REL: variants seen among roughly 807,000 people sequenced by gnomAD.
REL encodes the protein REL proto-oncogene, NF-kB subunit, also known as proto-oncogene c-Rel.
REL carries 15 observed loss-of-function variants against 45.9 expected under a neutral mutation model. The observed-to-expected ratio is 0.33, with a 90% CI of 0.22 to 0.50. The LOEUF is 0.50. REL is among the 20% of genes least tolerant of loss of function. The pLI is 0.98. For synonymous variants in REL, 239 were observed against 242.1 expected, an observed-to-expected ratio of 0.99 and a Z score of 0.12; for missense variants, 601 against 715.2, an observed-to-expected ratio of 0.84 and a Z score of 1.82.
intron 4 of REL, among the ~76,000 whole-genome samples, chr2:60,907,321 T>A (rs1377015055): frequency 6.6e-6 from 1 of 152,144 alleles, no homozygotes; most frequent in Non-Finnish European, 1.5e-5. Flanking sequence ...GTCTTCCTTG[T>A]ATCTCTGGCA....
intron 4 of REL, among the ~76,000 whole-genome samples, chr2:60,906,084 A>C (rs1291959569): frequency 6.6e-6 from 1 of 152,184 alleles, no homozygotes; most frequent in Admixed American, 6.5e-5. Context: ...AAAATGAGGA[A>C]AATGCAAAAG....
At chr2:60,907,111 T>A (rs1673683294) in intron 4 of REL, among the ~76,000 whole-genome samples, 2 of 150,964 alleles carry the variant, frequency 1.3e-5, no homozygotes, top group Non-Finnish European at 3.0e-5. Context: ...TTAGTAGAGA[T>A]GGGGTTTCAC....
At chr2:60,888,729 G>C (rs1673132182) in intron 1 of REL, among the ~76,000 whole-genome samples, 1 of 152,166 alleles carries the variant, frequency 6.6e-6, no homozygotes, top group Non-Finnish European at 1.5e-5. Context: ...GAAAGTTACA[G>C]TAATACTTTA....
chr2:60,892,981 C>T (rs759846721), intron 2 of REL, among the ~76,000 whole-genome samples: 87 of 152,258 alleles, frequency 5.7e-4, no homozygotes, highest in Non-Finnish European at 1.1e-3. Context: ...TCTCAATCTC[C>T]TGACCTCGTG....
intron 4 of REL, among the ~76,000 whole-genome samples, chr2:60,906,334 T>A (rs915703063): frequency 1.3e-5 from 2 of 152,174 alleles, no homozygotes; most frequent in Admixed American, 6.5e-5. Flanking sequence ...CCCTTCTTTT[T>A]CTTTCTCTCT....
rs1336019730 is a variant in REL at position 60,929,419 on chromosome 2, C to G, written c.*6884C>G. 3 of 140,962 alleles carry G rather than the reference C, an allele frequency of 2.1e-5. No individual in the cohort carries two copies. The highest frequency in any genetic ancestry group is 2.2e-4 in the South Asian group (1 of 4,472). The allele number at this position is 140,962 out of a possible 1,614,324, so 8.7% of individuals were successfully genotyped here. On this transcript the variant is annotated 3_prime_UTR_variant, in exon 10 of 10. Transcript: ENST00000394479. The stretch of plus-strand genomic sequence containing the variant: ...CACAATAGCAAAGACTTGGAACCAA[C>G]CCAAATGTCCAACAATGATAGACTG...
In REL at chr2:60,927,320, T is replaced by C. The variant is rs1674289493; in HGVS notation, c.*4785T>C. 4.3e-6 allele frequency: 1 copy of C among 231,564 alleles called. No homozygotes were observed. Among genetic ancestry groups the C allele is most frequent in the South Asian group, 1.8e-4 (1 of 5,510 alleles). The allele number at this position is 231,564 out of a possible 1,614,324, so 14.3% of individuals were successfully genotyped here. ...GCAGGAAAAGCAGCAATGACAAGAT[T>C]ACTTAAGTCTTGTGAAATAACACTT... On this transcript the variant is annotated 3_prime_UTR_variant, in exon 10 of 10. Transcript: ENST00000394479.
chr2:60,914,811 T>G (rs1250752928), intron 4 of REL, among the ~76,000 whole-genome samples: 1 of 151,492 alleles, frequency 6.6e-6, no homozygotes. Flanking sequence ...CATTTGGGAG[T>G]GTATACCCAT....
chr2:60,903,538 T>TA (rs1205925713), intron 4 of REL, among the ~76,000 whole-genome samples: 1 of 151,770 alleles, frequency 6.6e-6, no homozygotes, highest in Non-Finnish European at 1.5e-5. Flanking sequence ...CATGCCCAGC[T>TA]AATTTTTTTT....
chr2:60,917,091 G>C, intron 5 of REL, 74 bp downstream of exon 5: 1 of 1,292,418 alleles, frequency 7.7e-7, no homozygotes, highest in African/African-American at 1.5e-5. Context: ...AAATTATTTT[G>C]GTAATTAGGA....
At position 60,891,663 on chromosome 2, in the gene REL, C is replaced by G. The variant is rs746256981; in HGVS notation, c.11-20C>G. 3 of 1,579,160 alleles carry G rather than the reference C, an allele frequency of 1.9e-6. No individual in the cohort carries two copies. In the East Asian group the frequency reaches 6.9e-5, roughly 36 times the overall value. The stretch of plus-strand genomic sequence containing the variant: ...GCTATATTAATCTCACTGACCTCCT[C>G]CTTTTTAAAAACTTTTCAGGTGCGT... On this transcript the variant is annotated intron_variant, in intron 1 of 9. Coordinates refer to ENST00000394479, the MANE Select transcript of REL (RefSeq NM_001291746.2).
At chr2:60,911,884 G>A (rs545964557) in intron 4 of REL, among the ~76,000 whole-genome samples, 2 of 151,022 alleles carry the variant, frequency 1.3e-5, no homozygotes, top group Admixed American at 6.6e-5. Flanking sequence ...TGTAGTCCCA[G>A]CTACTCGGGA....
intron 4 of REL, among the ~76,000 whole-genome samples, chr2:60,905,673 C>G (rs1247023233): frequency 6.6e-6 from 1 of 151,860 alleles, no homozygotes; most frequent in Non-Finnish European, 1.5e-5. Context: ...AAGGAGAGAC[C>G]GAGACAAGTT....
Position 60,924,974 on chromosome 2 carries a change from T to G in REL, c.*2439T>G, listed in dbSNP as rs1674235203. 4.8e-6 allele frequency: 1 copy of G among 208,352 alleles called. No individual in the cohort carries two copies. Among genetic ancestry groups the G allele is most frequent in the Non-Finnish European group, 9.8e-6 (1 of 102,190 alleles). 12.9% of individuals were successfully genotyped at this position (208,352 alleles called of 1,614,324 possible). On this transcript the variant is annotated 3_prime_UTR_variant, in exon 10 of 10. Transcript: ENST00000394479. ...GCATTTAGAAACCTTTCACTTTGCT[T>G]CAAAACGTAGTTATATTTTGGAGTT...
chr2:60,883,404 A>G (rs769928577), intron 1 of REL, among the ~76,000 whole-genome samples: 1 of 152,186 alleles, frequency 6.6e-6, no homozygotes, highest in Admixed American at 6.5e-5. Context: ...AAATATTTCA[A>G]CTTTCCCTTT....
chr2:60,894,280 A>G (rs957511708), intron 2 of REL, 117 bp from the exon 3 acceptor site: 61 of 594,430 alleles, frequency 1.0e-4, no homozygotes, highest in Non-Finnish European at 5.3e-5. Context: ...CGTCAGCTGG[A>G]TTTTATTTAT....
At chr2:60,886,716 A>G (rs1234272012) in intron 1 of REL, among the ~76,000 whole-genome samples, 1 of 152,106 alleles carries the variant, frequency 6.6e-6, no homozygotes, top group Non-Finnish European at 1.5e-5. Flanking sequence ...TCTATTTCCG[A>G]TAATTTATGA....
chr2:60,898,835 T>C (rs982229017), intron 3 of REL: 4 of 152,240 alleles, frequency 2.6e-5, no homozygotes, highest in Admixed American at 2.6e-4. Flanking sequence ...TGTAAGCTTC[T>C]TGAGGAAAGG....
At position 60,901,102 on chromosome 2, in the gene REL, A is replaced by G. The variant is rs1325568574; in HGVS notation, c.394+19A>G. 6.5e-7 allele frequency: 1 copy of G among 1,544,630 alleles called. No individual in the cohort carries two copies. The highest frequency in any genetic ancestry group is 1.4e-5 in the African/African-American group (1 of 69,980). On this transcript the variant is annotated intron_variant, in intron 4 of 9. Coordinates refer to ENST00000394479, the MANE Select transcript of REL (RefSeq NM_001291746.2). The stretch of plus-strand genomic sequence containing the variant: ...TTCAATGGTAAGTATGTTTGATAAA[A>G]TCATTTCTATTTATTTGGGTGTTGA...
Sources: gnomAD v4.1 joint callset for allele counts (sites outside exome capture counted in the v4.1 genomes callset) on GRCh38, gnomAD v4.1.1 for gene constraint, MANE v1.5 for transcripts, NCBI Gene and HGNC (gene_info 2026-07-23, HGNC 2026-07-21) for gene names.